The following ADGRB1 variants were observed in gnomAD, a reference collection of about 807,000 sequenced individuals.
The protein encoded by ADGRB1 is brain-specific angiogenesis inhibitor 1.
ADGRB1 carries 36 observed loss-of-function variants against 175.7 expected under a neutral mutation model. The observed-to-expected ratio is 0.20, with a 90% CI of 0.16 to 0.27. The LOEUF (loss-of-function observed/expected upper bound fraction) is 0.27. Among genes scored for constraint, ADGRB1 ranks in the 10% least tolerant of loss-of-function variants. ADGRB1 has a pLI of 1.00. For synonymous variants in ADGRB1, 1,054 were observed against 979.4 expected (o/e 1.08, Z -1.42); for missense variants, 1,731 against 2,255.3 (o/e 0.77, Z 4.71).
At chr8:142,514,105 G>C (rs1408024878) in intron 18 of ADGRB1, among the ~76,000 whole-genome samples, 1 of 152,116 alleles carries the variant, frequency 6.6e-6, no homozygotes, top group Non-Finnish European at 1.5e-5. Context: ...AGCTTAGCCT[G>C]GCTGGGGTTG....
rs1840116866 is a variant in ADGRB1 at position 142,464,188 on chromosome 8, C to G, written c.-11C>G. 7 of 1,261,182 alleles carry G rather than the reference C, an allele frequency of 5.6e-6. No homozygotes were observed. The highest frequency in any genetic ancestry group is 6.9e-6 in the Non-Finnish European group (7 of 1,008,204). The allele number at this position is 1,261,182 out of a possible 1,614,324, so 78.1% of individuals were successfully genotyped here. ...CCAGCCCGCGGAACCCCGGCGGCCCCGCGAGCTAGGATGAGGGGCCAGGCC... is the reference window on the plus strand; with the variant it reads ...CCAGCCCGCGGAACCCCGGCGGCCCGGCGAGCTAGGATGAGGGGCCAGGCC... On this transcript the variant is annotated 5_prime_UTR_variant, in exon 2 of 31. Transcript: ENST00000517894.
At position 142,500,562 on chromosome 8, in the gene ADGRB1, G is replaced by A. The variant is rs531246735; in HGVS notation, c.2675+9747G>A. Among the ~76,000 whole-genome samples the A allele has an allele frequency of 2.2e-3, 340 of 151,734 alleles. 1 individual carries two copies. Among genetic ancestry groups the A allele is most frequent in the Middle Eastern group, 0.01 (3 of 294 alleles). On this transcript the variant is annotated intron_variant, in intron 17 of 30. Transcript: ENST00000517894. ...CGTGAGCCTCTTCCGCTCAGCACCC[G>A]TGTCCCTGTCCCCAGGAGCACAATG...
Position 142,522,717 on chromosome 8 carries a change from C to A in ADGRB1, c.3245+7C>A. Reference sequence around the variant, plus strand: ...GGTACAGCACCATGAACTAGTGAGTCGGGGCATTGGGGGTGTGGTGGATGG... The same window carrying A: ...GGTACAGCACCATGAACTAGTGAGTAGGGGCATTGGGGGTGTGGTGGATGG... On this transcript the variant is annotated splice_region_variant and intron_variant, in intron 22 of 30. Transcript: ENST00000517894. The A allele has an allele frequency of 6.6e-7, 1 of 1,508,054 alleles. No homozygotes were observed. Among genetic ancestry groups the A allele is most frequent in the South Asian group, 1.3e-5 (1 of 75,748 alleles). The allele number at this position is 1,508,054 out of a possible 1,614,324, so 93.4% of individuals were successfully genotyped here.
intron 25 of ADGRB1, among the ~76,000 whole-genome samples, chr8:142,535,964 C>T (rs568420353): frequency 6.6e-6 from 1 of 152,274 alleles, no homozygotes; most frequent in South Asian, 2.1e-4. Context: ...TGGCCACGGA[C>T]AATTCTCTCG....
rs1845010183 is a variant in ADGRB1 at position 142,537,589 on chromosome 8, ACT to A, written c.3666+511_3666+512del. ...CCCAGTCCTCAGCCCCTGCAGGGTG[ACT>A]CTCCCTTGTGGCCCCTGGCCATCCT... is the stretch of plus-strand genomic sequence containing the variant. On this transcript the variant is annotated intron_variant, in intron 26 of 30. Coordinates refer to ENST00000517894, the MANE Select transcript of ADGRB1 (RefSeq NM_001702.3). The surrounding 1 kb of genome is among the most constrained non-coding windows in gnomAD (Gnocchi z 4.6). Among the ~76,000 whole-genome samples the A allele has an allele frequency of 1.3e-5, 2 of 150,028 alleles. No individual in the cohort carries two copies. The highest frequency in any genetic ancestry group is 6.6e-5 in the Admixed American group (1 of 15,124).
At position 142,544,292 on chromosome 8, in the gene ADGRB1, G is replaced by A; in HGVS notation, c.4630G>A (p.Val1544Met). ...LRKAHGTPTW[V>M]KKELEPLQPS... is the part of the protein sequence containing the mutation. ...GAAAGCCCACGGGACGCCCACGTGG[G>A]TGAAGAAGGAGCTGGAGCCGCTGCA... The change falls in exon 31 of 31, where the codon GTG becomes ATG. Residue 1544 changes from valine (V) to methionine (M), a missense_variant. Transcript: ENST00000517894. The A allele has an allele frequency of 6.5e-7, 1 of 1,549,416 alleles. No homozygotes were observed. Among genetic ancestry groups the A allele is most frequent in the South Asian group, 1.2e-5 (1 of 84,036 alleles).
At chr8:142,530,693 C>G (rs1844571175) in intron 24 of ADGRB1, among the ~76,000 whole-genome samples, 1 of 152,192 alleles carries the variant, frequency 6.6e-6, no homozygotes, top group Non-Finnish European at 1.5e-5. Context: ...GTTGCCCTTT[C>G]TTTGTCTCAA....
intron 2 of ADGRB1, among the ~76,000 whole-genome samples, chr8:142,466,357 G>A (rs1190873471): frequency 6.6e-6 from 1 of 152,230 alleles, no homozygotes; most frequent in Non-Finnish European, 1.5e-5. Flanking sequence ...CATTTATGCT[G>A]GAGCATGGTT....
rs938271829 is a variant in ADGRB1 at position 142,511,326 on chromosome 8, T to TG, written c.2817+256dup. ...GTCGGGACCCCCGGAAAGTGGCTGA[T>TG]GGGTGGGTCCCATCTCCCCTGGCCT... On this transcript the variant is annotated intron_variant, in intron 18 of 30. Coordinates refer to ENST00000517894, the MANE Select transcript of ADGRB1 (RefSeq NM_001702.3). This position sits in a 1 kb window ranked among gnomAD's most constrained non-coding sequence, Gnocchi z 4.5. Among the ~76,000 whole-genome samples the TG allele has an allele frequency of 3.3e-5, 5 of 151,868 alleles. No homozygotes were observed. The highest frequency in any genetic ancestry group is 2.1e-4 in the South Asian group (1 of 4,808).
chr8:142,470,527 TGTG>T (rs1269954242), intron 2 of ADGRB1, among the ~76,000 whole-genome samples: 6 of 151,504 alleles, frequency 4.0e-5, no homozygotes, highest in Admixed American at 3.9e-4. Flanking sequence ...TGTGTCCCTC[TGTG>T]GTGTGTGTCC....
At chr8:142,459,090 A>AG (rs1430418121) in intron 1 of ADGRB1, among the ~76,000 whole-genome samples, 1 of 152,202 alleles carries the variant, frequency 6.6e-6, no homozygotes, top group Non-Finnish European at 1.5e-5. Context: ...GGATGCCCGG[A>AG]GCTTTCTGTC....
chr8:142,515,960 G>A (rs761552475), intron 18 of ADGRB1, among the ~76,000 whole-genome samples: 6 of 152,226 alleles, frequency 3.9e-5, no homozygotes, highest in African/African-American at 7.2e-5. Flanking sequence ...GGGGTAGTTC[G>A]AGGGGCCTGT....
chr8:142,482,069 G>A (rs1841372343), intron 11 of ADGRB1, among the ~76,000 whole-genome samples: 2 of 149,048 alleles, frequency 1.3e-5, no homozygotes, highest in African/African-American at 5.0e-5. Flanking sequence ...GTCACATGCT[G>A]AGCCCCAACC....
chr8:142,464,081 G>GCCCCCCCCCC lies in ADGRB1; in HGVS notation c.-114_-113insCCCCCCCCCC. On this transcript the variant is annotated 5_prime_UTR_variant, in exon 2 of 31. Coordinates refer to ENST00000517894, the MANE Select transcript of ADGRB1 (RefSeq NM_001702.3). ...CGGGGCCCTCTCCCATCCCACCCTT[G>GCCCCCCCCCC]CCCCGCCTCCCTGCCCCCACCGGGC... 4.3e-6 allele frequency: 1 copy of GCCCCCCCCCC among 231,454 alleles called. No individual in the cohort carries two copies. The highest frequency in any genetic ancestry group is 7.6e-6 in the Non-Finnish European group (1 of 131,738). The allele number at this position is 231,454 out of a possible 1,614,324, so 14.3% of individuals were successfully genotyped here. A position where few individuals can be genotyped will look rare whatever the true frequency, so the allele number is the denominator to read the frequency against.
Position 142,543,442 on chromosome 8 carries a change from A to C in ADGRB1, c.4449+4A>C. 6.2e-7 allele frequency: 1 copy of C among 1,613,650 alleles called. No homozygotes were observed. The highest frequency in any genetic ancestry group is 8.5e-7 in the Non-Finnish European group (1 of 1,179,764). On this transcript the variant is annotated splice_donor_region_variant and intron_variant, in intron 29 of 30. Transcript: ENST00000517894. The surrounding 1 kb of genome is among the most constrained non-coding windows in gnomAD (Gnocchi z 4.4). ...GTATGCAGAACTGGACTTTGAGGTG[A>C]GTTCTGGTGTCCCCCCCCACCAGAC...
At chr8:142,509,736 G>A (rs1842985942) in intron 17 of ADGRB1, among the ~76,000 whole-genome samples, 2 of 152,214 alleles carry the variant, frequency 1.3e-5, no homozygotes, top group Admixed American at 1.3e-4. Context: ...CGGCTACTTA[G>A]GGAGGAATGA....
At chr8:142,487,915 A>G (rs1328206990) in intron 13 of ADGRB1, among the ~76,000 whole-genome samples, 1 of 152,126 alleles carries the variant, frequency 6.6e-6, no homozygotes, top group Non-Finnish European at 1.5e-5. Flanking sequence ...CTACAGAGGG[A>G]GGGGAGGCGG....
At chr8:142,516,128 G>C (rs545504757) in intron 18 of ADGRB1, among the ~76,000 whole-genome samples, 2 of 152,230 alleles carry the variant, frequency 1.3e-5, no homozygotes, top group East Asian at 3.9e-4. Context: ...GGTGTGGGGG[G>C]CGTCAGTCGT....
chr8:142,529,801 AGT>A (rs940778113), intron 24 of ADGRB1, among the ~76,000 whole-genome samples: 2 of 144,384 alleles, frequency 1.4e-5, no homozygotes, highest in African/African-American at 5.2e-5. Flanking sequence ...TGTACCTGTG[AGT>A]GTGCATCTGT....
Sources: allele counts gnomAD v4.1 joint callset (sites outside exome capture counted in the v4.1 genomes callset), GRCh38; gene constraint gnomAD v4.1.1; non-coding constraint Gnocchi (gnomAD v3.1); transcripts MANE v1.5; gene names NCBI Gene and HGNC (gene_info 2026-07-23, HGNC 2026-07-21).